Variants in SLC10A1 observed in about 807,000 individuals in gnomAD.
SLC10A1 encodes hepatic sodium/bile acid cotransporter.
SLC10A1 carries 36 observed loss-of-function variants against 20.5 expected under a neutral mutation model. The observed-to-expected ratio is 1.75, with a 90% CI of 1.34 to 2.32. The LOEUF is 2.32. SLC10A1 is among the 30% of genes most tolerant of loss of function. The probability of loss-of-function intolerance (pLI) is 0.00; values close to 1 mark genes in which losing one functional copy is unlikely to be tolerated. For synonymous variants in SLC10A1, 188 were observed against 163.6 expected (o/e 1.15, Z -1.14); for missense variants, 545 against 439.1 (o/e 1.24, Z -2.16).
At chr14:69,777,856 T>C (rs1192901632) in intron 4 of SLC10A1, among the ~76,000 whole-genome samples, 2 of 151,922 alleles carry the variant, frequency 1.3e-5, no homozygotes, top group African/African-American at 4.8e-5. Context: ...TTTTCTTTAT[T>C]CTGGGTTATA....
chr14:69,794,267 C>T (rs1361039605), intron 1 of SLC10A1, among the ~76,000 whole-genome samples: 1 of 152,128 alleles, frequency 6.6e-6, no homozygotes, highest in Non-Finnish European at 1.5e-5. Context: ...GGATATTTTA[C>T]CTTCTTTTGA....
At chr14:69,778,811 T>C (rs558936999) in intron 3 of SLC10A1, among the ~76,000 whole-genome samples, 2 of 152,346 alleles carry the variant, frequency 1.3e-5, no homozygotes, top group East Asian at 1.9e-4. Context: ...TCCTAGCTTC[T>C]TATTCGTTTC....
intron 2 of SLC10A1, among the ~76,000 whole-genome samples, chr14:69,781,968 C>T (rs960822732): frequency 6.6e-6 from 1 of 152,194 alleles, no homozygotes. Flanking sequence ...GTTATGTGTG[C>T]GTAAGAGGCT....
chr14:69,791,232 T>A (rs766220692), intron 1 of SLC10A1, among the ~76,000 whole-genome samples: 2 of 151,938 alleles, frequency 1.3e-5, no homozygotes, highest in Non-Finnish European at 2.9e-5. Context: ...AGACTTATAA[T>A]TTTTTTTGTA....
intron 3 of SLC10A1, 83 bp downstream of exon 3, chr14:69,779,096 GGCT>G (rs1378621321): frequency 9.9e-7 from 1 of 1,008,476 alleles, no homozygotes; most frequent in African/African-American, 1.6e-5. Context: ...TGGAGGTTGA[GGCT>G]GCAGTGAGCT....
chr14:69,778,517 A>G lies in SLC10A1; in HGVS notation c.759T>C (p.Thr253=). The change falls in exon 4 of 5, where the codon ACT becomes ACC. Residue 253 remains threonine (T), a synonymous_variant. Coordinates refer to ENST00000216540, the MANE Select transcript of SLC10A1 (RefSeq NM_003049.4). The part of the protein sequence containing the change: ...LFCLNGRCRR[T]VSMETGCQNV... ...TTTGGCATCCAGTCTCCATGCTGACAGTGCGTCTGCACCTGTGCCGGTGAA... is the reference window on the plus strand; with the variant it reads ...TTTGGCATCCAGTCTCCATGCTGACGGTGCGTCTGCACCTGTGCCGGTGAA... 6.2e-7 allele frequency: 1 copy of G among 1,607,730 alleles called. No homozygotes were observed.
At chr14:69,784,675 C>T (rs565185126) in intron 2 of SLC10A1, among the ~76,000 whole-genome samples, 1 of 152,072 alleles carries the variant, frequency 6.6e-6, no homozygotes, top group South Asian at 2.1e-4. Context: ...TATGTGAGTT[C>T]GTATCAAAGC....
At chr14:69,778,230 G>A (rs1200253982) in intron 4 of SLC10A1, 103 bp downstream of exon 4, 2 of 967,806 alleles carry the variant, frequency 2.1e-6, no homozygotes, top group African/African-American at 3.3e-5. Context: ...CTTGATAAGA[G>A]TTAAAGCCCT....
intron 1 of SLC10A1, among the ~76,000 whole-genome samples, chr14:69,790,644 GA>G (rs1883814244): frequency 1.3e-5 from 2 of 151,942 alleles, no homozygotes; most frequent in African/African-American, 2.4e-5. Flanking sequence ...TCCTTAACTT[GA>G]AAGGAAATCT....
chr14:69,783,940 C>G (rs923464666), intron 2 of SLC10A1, among the ~76,000 whole-genome samples: 3 of 152,196 alleles, frequency 2.0e-5, no homozygotes, highest in African/African-American at 7.2e-5. Flanking sequence ...GAGATAACCA[C>G]ATGGGGAGGA....
intron 2 of SLC10A1, among the ~76,000 whole-genome samples, chr14:69,781,777 G>GT (rs1306378214): frequency 6.6e-6 from 1 of 152,182 alleles, no homozygotes; most frequent in Non-Finnish European, 1.5e-5. Flanking sequence ...CCTTGCATGG[G>GT]TAAGTTAAAA....
chr14:69,776,809 G>A (rs565236748), intron 4 of SLC10A1, among the ~76,000 whole-genome samples: 6 of 152,324 alleles, frequency 3.9e-5, no homozygotes, highest in Non-Finnish European at 7.3e-5. Flanking sequence ...TGTCCGTGGT[G>A]TAGGCGGTGA....
At chr14:69,787,225 C>T (rs531073104) in intron 1 of SLC10A1, among the ~76,000 whole-genome samples, 2 of 152,240 alleles carry the variant, frequency 1.3e-5, no homozygotes, top group South Asian at 2.1e-4. Context: ...TATGTCCTTC[C>T]AGCTCTAATA....
intron 4 of SLC10A1, among the ~76,000 whole-genome samples, chr14:69,777,385 A>G (rs974558229): frequency 1.3e-5 from 2 of 152,120 alleles, no homozygotes; most frequent in South Asian, 2.1e-4. Context: ...TAATGTAACA[A>G]ATTCCAATAG....
intron 4 of SLC10A1, among the ~76,000 whole-genome samples, chr14:69,776,749 AAG>A (rs2139708191): frequency 6.6e-6 from 1 of 152,348 alleles, no homozygotes; most frequent in Non-Finnish European, 1.5e-5. Context: ...AAGTCTAACC[AAG>A]AGAGTTTCCA....
intron 1 of SLC10A1, among the ~76,000 whole-genome samples, chr14:69,790,241 C>T (rs766760305): frequency 5.3e-5 from 8 of 152,144 alleles, no homozygotes; most frequent in Non-Finnish European, 8.8e-5. Context: ...TACTGTCTTA[C>T]GGTAGTGTTC....
chr14:69,781,870 A>G (rs1403700518), intron 2 of SLC10A1, among the ~76,000 whole-genome samples: 1 of 152,234 alleles, frequency 6.6e-6, no homozygotes, highest in Non-Finnish European at 1.5e-5. Context: ...CAGCGAATGC[A>G]ACTGGTTGAA....
chr14:69,777,115 A>C (rs1243672104), intron 4 of SLC10A1, among the ~76,000 whole-genome samples: 1 of 152,214 alleles, frequency 6.6e-6, no homozygotes, highest in African/African-American at 2.4e-5. Context: ...TTCTGGTACT[A>C]AAACCTCAAA....
At chr14:69,795,421 A>T (rs1220076281) in intron 1 of SLC10A1, among the ~76,000 whole-genome samples, 5 of 134,280 alleles carry the variant, frequency 3.7e-5, no homozygotes, top group Non-Finnish European at 4.6e-5. Flanking sequence ...TTTTTTTGAG[A>T]GAGAGACAGG....
Sources: gnomAD v4.1 joint callset for allele counts (sites outside exome capture counted in the v4.1 genomes callset) on GRCh38, gnomAD v4.1.1 for gene constraint, MANE v1.5 for transcripts, NCBI Gene and HGNC (gene_info 2026-07-23, HGNC 2026-07-21) for gene names.